SEMA6D: variants seen among roughly 807,000 people sequenced by gnomAD.
SEMA6D encodes semaphorin-6D.
A neutral mutation model predicts 106.6 loss-of-function variants in SEMA6D; 35 were observed. The ratio of observed to expected loss-of-function variants is 0.33; its 90% confidence interval spans 0.25 to 0.44. The LOEUF (loss-of-function observed/expected upper bound fraction) is 0.44. SEMA6D is among the 20% of genes least tolerant of loss of function. The pLI, the probability that SEMA6D is intolerant of heterozygous loss-of-function variation, is 1.00. For missense variants in SEMA6D, 1,185 were observed against 1,345.9 expected, an observed-to-expected ratio of 0.88 and a Z score of 1.87; for synonymous variants, 499 against 487.7, an observed-to-expected ratio of 1.02 and a Z score of -0.31.
At chr15:47,316,545 G>T (rs1314230255) in intron 1 of SEMA6D, among the ~76,000 whole-genome samples, 5 of 151,546 alleles carry the variant, frequency 3.3e-5, no homozygotes, top group Non-Finnish European at 7.4e-5. Flanking sequence ...TTTTTTTGGG[G>T]GGGGTTTTGT....
chr15:47,412,847 C>A (rs149126987), intron 2 of SEMA6D, among the ~76,000 whole-genome samples: 5 of 152,236 alleles, frequency 3.3e-5, no homozygotes, highest in Non-Finnish European at 7.4e-5. Context: ...ACTCTGTTTT[C>A]AATTCTGCAT....
intron 1 of SEMA6D, among the ~76,000 whole-genome samples, chr15:47,316,110 T>TTTTTTTTTTTTTTTTTTTTTTTTG (rs2036664918): frequency 7.1e-6 from 1 of 141,152 alleles, no homozygotes; most frequent in Non-Finnish European, 1.5e-5. Context: ...TCCTTTTTTT[T>TTTTTTTTTTTTTTTTTTTTTTTTG]GAGACAGAAT....
rs571348296 is a variant in SEMA6D, at chr15:47,344,749, C to T, written c.-238-67644C>T. Among the ~76,000 whole-genome samples, 202 of 152,266 alleles carry T rather than the reference C, an allele frequency of 1.3e-3. 2 individuals are homozygous for T. The highest frequency in any genetic ancestry group is 4.8e-3 in the African/African-American group (198 of 41,552). The stretch of plus-strand genomic sequence containing the variant: ...AAATATGGCAAGAAGAAAAGGTCAT[C>T]TTGGAAGGAAAAGAAGTAAAACTCT... On this transcript the variant is annotated intron_variant, in intron 1 of 19. Coordinates refer to the SEMA6D transcript ENST00000558014.
At position 47,426,551 on chromosome 15, in the gene SEMA6D, A is replaced by ATCT. The variant is rs1595967557; in HGVS notation, c.-159+14081_-159+14083dup. Among the ~76,000 whole-genome samples, 3 of 152,108 alleles carry ATCT rather than the reference A, an allele frequency of 2.0e-5. No homozygotes were observed. The East Asian group carries it at 5.8e-4, about 29-fold the overall frequency. ...GGGCCTTAGAACCATTGCTAGTAAA[A>ATCT]TCTTTTGTCCCAAGAGCTGCTAGTT... On this transcript the variant is annotated intron_variant, in intron 2 of 19. Transcript: ENST00000558014.
intron 1 of SEMA6D, among the ~76,000 whole-genome samples, chr15:47,290,778 C>T (rs891935909): frequency 6.6e-6 from 1 of 152,184 alleles, no homozygotes; most frequent in Non-Finnish European, 1.5e-5. Context: ...TTAGTCTTCT[C>T]TCCAATACAT....
rs35758807 is a variant in SEMA6D, at chr15:47,385,065, T to TTTTTTTTTTTTTTTTTA, written c.-238-27328_-238-27327insTTTTTTTTTTTTTTTTA. Among the ~76,000 whole-genome samples the TTTTTTTTTTTTTTTTTA allele has an allele frequency of 1.0e-4, 14 of 137,228 alleles. 1 individual carries two copies. Among genetic ancestry groups the TTTTTTTTTTTTTTTTTA allele is most frequent in the African/African-American group, 2.8e-4 (10 of 36,246 alleles). 90.0% of individuals were successfully genotyped at this position (137,228 alleles called of 152,430 possible). ...CTGTAATTTTTTTTTTTTTTTTTTT[T>TTTTTTTTTTTTTTTTTA]ACCATAGAACTCATAAGGCAGCGTT... On this transcript the variant is annotated intron_variant, in intron 1 of 19. Coordinates refer to the SEMA6D transcript ENST00000558014.
At chr15:47,342,095 C>T (rs1399309766) in intron 1 of SEMA6D, among the ~76,000 whole-genome samples, 1 of 151,968 alleles carries the variant, frequency 6.6e-6, no homozygotes, top group Non-Finnish European at 1.5e-5. Flanking sequence ...TGATACAGCC[C>T]AGTGCTTTAG....
In SEMA6D at chr15:47,759,804, G is replaced by A. The variant is rs890510671; in HGVS notation, c.6G>A (p.Arg2=). 1 of 1,613,446 alleles carries A rather than the reference G, an allele frequency of 6.2e-7. No homozygotes were observed. The highest frequency in any genetic ancestry group is 8.5e-7 in the Non-Finnish European group (1 of 1,179,582). Residue 2 remains arginine, a synonymous_variant, in exon 2 of 19, where the codon AGG becomes AGA. Transcript: ENST00000536845. M[R]VFLLCAYILL... ...TGACTTCACCTTGGCCCACCATGAG[G>A]GTCTTCCTGCTTTGTGCCTACATAC...
At position 47,497,860 on chromosome 15, in the gene SEMA6D, T is replaced by G. The variant is rs534137601; in HGVS notation, c.-87+27315T>G. On this transcript the variant is annotated intron_variant, in intron 3 of 19. Coordinates refer to the SEMA6D transcript ENST00000558014. Reference sequence around the variant, plus strand: ...TTTCTCTTGCTTCCCTCTTTGGCCTTCTTTGGCTTCTAGTCAGTTTCCAGT... The same window carrying G: ...TTTCTCTTGCTTCCCTCTTTGGCCTGCTTTGGCTTCTAGTCAGTTTCCAGT... 5.3e-5 allele frequency among the ~76,000 whole-genome samples: 8 copies of G among 152,256 alleles called. No individual in the cohort carries two copies. In the East Asian group the frequency reaches 1.3e-3, roughly 26 times the overall value.
intron 3 of SEMA6D, among the ~76,000 whole-genome samples, chr15:47,516,378 A>T (rs2044387978): frequency 6.6e-6 from 1 of 152,206 alleles, no homozygotes; most frequent in African/African-American, 2.4e-5. Context: ...TGCTCCCAAA[A>T]GATCATGGCA....
chr15:47,324,763 GTAA>G (rs1468677837), intron 1 of SEMA6D, among the ~76,000 whole-genome samples: 7 of 151,190 alleles, frequency 4.6e-5, no homozygotes, highest in Non-Finnish European at 8.8e-5. Context: ...TATATATATA[GTAA>G]TGTACGCTAT....
chr15:47,450,892 A>G (rs1596028292), intron 2 of SEMA6D, among the ~76,000 whole-genome samples: 1 of 152,068 alleles, frequency 6.6e-6, no homozygotes, highest in Non-Finnish European at 1.5e-5. Flanking sequence ...CTTTTGAAGC[A>G]TTGATTCTCA....
chr15:47,675,835 C>A (rs1237946754), intron 4 of SEMA6D, among the ~76,000 whole-genome samples: 1 of 151,736 alleles, frequency 6.6e-6, no homozygotes, highest in Non-Finnish European at 1.5e-5. Context: ...CTGATGTGCC[C>A]TGTACTGCAG....
At chr15:47,653,044 C>T (rs924410841) in intron 4 of SEMA6D, among the ~76,000 whole-genome samples, 4 of 152,170 alleles carry the variant, frequency 2.6e-5, no homozygotes, top group South Asian at 2.1e-4. Context: ...ACTCTCCATG[C>T]GTACTTATCA....
intron 4 of SEMA6D, among the ~76,000 whole-genome samples, chr15:47,658,854 A>G (rs2077858953): frequency 6.6e-6 from 1 of 152,166 alleles, no homozygotes; most frequent in Non-Finnish European, 1.5e-5. Context: ...ATATGTGCAC[A>G]CAAACACACA....
chr15:47,706,441 A>G (rs1170498164), intron 4 of SEMA6D, among the ~76,000 whole-genome samples: 3 of 152,212 alleles, frequency 2.0e-5, no homozygotes, highest in Non-Finnish European at 2.9e-5. Flanking sequence ...TTAAGCATAC[A>G]TTCTATGACA....
chr15:47,286,111 A>G (rs1252605321), intron 1 of SEMA6D, among the ~76,000 whole-genome samples: 1 of 152,108 alleles, frequency 6.6e-6, no homozygotes, highest in Non-Finnish European at 1.5e-5. Context: ...TCTGGGTTGG[A>G]CCTGTCTAGC....
intron 1 of SEMA6D, among the ~76,000 whole-genome samples, chr15:47,219,077 A>G (rs942087400): frequency 3.3e-5 from 5 of 152,208 alleles, no homozygotes; most frequent in Admixed American, 6.5e-5. Context: ...GTCCTCCTAT[A>G]TAGCTTTAAA....
chr15:47,740,433 T>A (rs543857749), intron 1 of SEMA6D, among the ~76,000 whole-genome samples: 1 of 152,026 alleles, frequency 6.6e-6, no homozygotes, highest in East Asian at 1.9e-4. Context: ...GGCAGGAGGA[T>A]CACTTGAACC....
Sources: allele counts gnomAD v4.1 joint callset (sites outside exome capture counted in the v4.1 genomes callset), GRCh38; gene constraint gnomAD v4.1.1; transcripts MANE v1.5; gene names NCBI Gene and HGNC (gene_info 2026-07-23, HGNC 2026-07-21).